Variants in ELMO1 observed in about 807,000 individuals in gnomAD.
ELMO1 encodes the protein engulfment and cell motility protein 1.
ELMO1 carries 26 observed loss-of-function variants against 98.9 expected under a neutral mutation model. That is an observed-to-expected ratio of 0.26 (90% confidence interval 0.19 to 0.36). ELMO1 has a LOEUF of 0.36. Among genes scored for constraint, ELMO1 ranks in the 10% least tolerant of loss-of-function variants. The pLI is 1.00. For synonymous variants in ELMO1, 346 were observed against 346.0 expected, an observed-to-expected ratio of 1.00 and a Z score of 0.00; for missense variants, 627 against 935.2, an observed-to-expected ratio of 0.67 and a Z score of 4.30.
intron 16 of ELMO1, among the ~76,000 whole-genome samples, chr7:36,939,713 C>G (rs1339671104): frequency 6.6e-6 from 1 of 152,156 alleles, no homozygotes; most frequent in East Asian, 1.9e-4. Flanking sequence ...GGGGGGTGCC[C>G]CACTCTCAGA....
At chr7:37,192,220 G>GA (rs1791627556) in intron 13 of ELMO1, among the ~76,000 whole-genome samples, 1 of 152,114 alleles carries the variant, frequency 6.6e-6, no homozygotes, top group African/African-American at 2.4e-5. Context: ...GCCAGGGCCA[G>GA]GTGTGGTTGC....
intron 14 of ELMO1, among the ~76,000 whole-genome samples, chr7:37,118,711 C>T (rs572117469): frequency 4.6e-5 from 7 of 152,156 alleles, no homozygotes; most frequent in African/African-American, 1.7e-4. Flanking sequence ...GGCACTAACT[C>T]GAGTGCCTTC....
At chr7:36,992,991 C>T (rs765083888) in intron 16 of ELMO1, among the ~76,000 whole-genome samples, 2 of 152,166 alleles carry the variant, frequency 1.3e-5, no homozygotes, top group Non-Finnish European at 2.9e-5. Flanking sequence ...GAAAAGAGTG[C>T]ATCAGGGATG....
At chr7:36,862,281 A>G in intron 20 of ELMO1, 1 of 160,718 alleles carries the variant, frequency 6.2e-6, no homozygotes, top group East Asian at 1.7e-4. Context: ...AGGTGAACCC[A>G]TTATCTTTAT....
intron 15 of ELMO1, among the ~76,000 whole-genome samples, chr7:37,076,758 AG>A (rs1481989601): frequency 6.6e-6 from 1 of 152,182 alleles, no homozygotes; most frequent in Non-Finnish European, 1.5e-5. Context: ...TCCGACTGCC[AG>A]TGATGGTATC....
Position 36,991,062 on chromosome 7 carries a change from A to G in ELMO1, c.1437+22237T>C, listed in dbSNP as rs934319455. 2.6e-5 allele frequency among the ~76,000 whole-genome samples: 4 copies of G among 152,182 alleles called. No individual in the cohort carries two copies. In the East Asian group the frequency reaches 7.7e-4, roughly 29 times the overall value. ...TTAGGATTCATGTTCTTTGCTGGCA[A>G]TGAAGGTGATGGTAATGGTCTCTAC... On this transcript the variant is annotated intron_variant, in intron 16 of 21. Coordinates refer to ENST00000310758, the MANE Select transcript of ELMO1 (RefSeq NM_014800.11).
intron 16 of ELMO1, among the ~76,000 whole-genome samples, chr7:36,947,785 C>A (rs1016982381): frequency 5.3e-5 from 8 of 152,132 alleles, no homozygotes; most frequent in Non-Finnish European, 7.3e-5. Flanking sequence ...AAGCATCCTT[C>A]TCTCTTCTGG....
At chr7:37,226,675 G>T (rs900500322) in intron 8 of ELMO1, among the ~76,000 whole-genome samples, 6 of 152,016 alleles carry the variant, frequency 3.9e-5, no homozygotes, top group African/African-American at 1.4e-4. Flanking sequence ...TCCCCTGCTT[G>T]TCTCTATTTA....
chr7:37,309,933 G>C (rs537029842), intron 4 of ELMO1, among the ~76,000 whole-genome samples: 15 of 152,336 alleles, frequency 9.8e-5, no homozygotes, highest in African/African-American at 3.4e-4. Context: ...AAGCATGATA[G>C]TTGAACTGAA....
At chr7:37,133,385 AC>A (rs1360835083) in intron 13 of ELMO1, 151 bp from the exon 14 acceptor site, 1 of 564,508 alleles carries the variant, frequency 1.8e-6, no homozygotes, top group Non-Finnish European at 3.0e-6. Context: ...ATGTAAACCT[AC>A]TGAGGTGGAT....
At chr7:36,897,325 C>CGTGTGTGTGTGTGTGTGTGTGTGTGT (rs11267559) in intron 16 of ELMO1, among the ~76,000 whole-genome samples, 39 of 46,968 alleles carry the variant, frequency 8.3e-4, no homozygotes, top group African/African-American at 1.7e-3. Flanking sequence ...AGAAAACAGA[C>CGTGTGTGTGTGTGTGTGTGTGTGTGT]GTGTGTGTGT....
chr7:36,879,303 C>T (rs1049920845), intron 18 of ELMO1, among the ~76,000 whole-genome samples: 6 of 152,156 alleles, frequency 3.9e-5, no homozygotes, highest in African/African-American at 1.4e-4. Flanking sequence ...AATGAAGACC[C>T]AAAGCGACCT....
intron 4 of ELMO1, among the ~76,000 whole-genome samples, chr7:37,306,970 C>T (rs1054228653): frequency 2.0e-5 from 3 of 152,124 alleles, no homozygotes; most frequent in Admixed American, 6.5e-5. Context: ...TCACACAGGA[C>T]CCCTTCTAAT....
chr7:37,201,753 T>C (rs752770432), intron 13 of ELMO1, among the ~76,000 whole-genome samples: 31 of 152,176 alleles, frequency 2.0e-4, no homozygotes, highest in Non-Finnish European at 2.9e-4. Context: ...CCAATGGCTG[T>C]GTGTTTGCGC....
chr7:37,241,970 G>C (rs1175715421), intron 7 of ELMO1, among the ~76,000 whole-genome samples: 1 of 152,094 alleles, frequency 6.6e-6, no homozygotes, highest in African/African-American at 2.4e-5. Flanking sequence ...TTTTCCTACA[G>C]ATCTGAGTAT....
chr7:36,997,984 G>A (rs1281307540), intron 16 of ELMO1: 1 of 152,240 alleles, frequency 6.6e-6, no homozygotes, highest in Non-Finnish European at 1.5e-5. Context: ...TGGGAAAGTG[G>A]AGATGTCATT....
intron 1 of ELMO1, among the ~76,000 whole-genome samples, chr7:37,361,999 G>A (rs1235098607): frequency 6.6e-6 from 1 of 152,158 alleles, no homozygotes; most frequent in African/African-American, 2.4e-5. Flanking sequence ...CAGGGGTGAG[G>A]TGGAAGCAGA....
At chr7:36,956,673 A>G (rs1290413627) in intron 16 of ELMO1, among the ~76,000 whole-genome samples, 2 of 152,248 alleles carry the variant, frequency 1.3e-5, no homozygotes, top group Non-Finnish European at 2.9e-5. Context: ...ATAGTGACAA[A>G]GCTTCTTAGC....
chr7:37,111,729 T>A (rs1037875075), intron 14 of ELMO1, among the ~76,000 whole-genome samples: 1 of 152,236 alleles, frequency 6.6e-6, no homozygotes, highest in African/African-American at 2.4e-5. Context: ...AAAATGTTCA[T>A]AACCATAGCC....
Sources: gnomAD v4.1 joint callset for allele counts (sites outside exome capture counted in the v4.1 genomes callset) on GRCh38, gnomAD v4.1.1 for gene constraint, MANE v1.5 for transcripts, NCBI Gene and HGNC (gene_info 2026-07-23, HGNC 2026-07-21) for gene names.